TNFAIP8: variants seen among roughly 807,000 people sequenced by gnomAD.
TNFAIP8 encodes tumor necrosis factor alpha-induced protein 8.
Under a neutral mutation model 13.3 loss-of-function variants are expected in TNFAIP8, and 7 were observed. The observed-to-expected ratio is 0.52, with a 90% CI of 0.30 to 0.99. TNFAIP8 has a LOEUF of 0.99. Ranked by LOEUF, TNFAIP8 falls within the 50% of genes least tolerant of loss-of-function variation. TNFAIP8 has a pLI of 0.07. For missense variants in TNFAIP8, 258 were observed against 236.9 expected (o/e 1.09, Z -0.58); for synonymous variants, 94 against 87.6 (o/e 1.07, Z -0.41).
At chr5:119,287,526 G>A (rs530282762) in intron 1 of TNFAIP8, among the ~76,000 whole-genome samples, 2 of 151,942 alleles carry the variant, frequency 1.3e-5, no homozygotes, top group African/African-American at 2.4e-5. Flanking sequence ...AACTATAGTC[G>A]CCGTGCTGTA....
At chr5:119,295,113 G>A (rs575601372) in intron 1 of TNFAIP8, among the ~76,000 whole-genome samples, 1 of 151,760 alleles carries the variant, frequency 6.6e-6, no homozygotes, top group African/African-American at 2.4e-5. Context: ...TGAAGTCCTT[G>A]CCCGTGCCTA....
At chr5:119,338,147 A>T (rs1750614972) in intron 1 of TNFAIP8, among the ~76,000 whole-genome samples, 1 of 146,556 alleles carries the variant, frequency 6.8e-6, no homozygotes, top group South Asian at 2.2e-4. Context: ...CTTATTCCAG[A>T]TTGGAATCTG....
Position 119,398,176 on chromosome 5 carries a change from G to A in TNFAIP8, c.*4795G>A, listed in dbSNP as rs1753118006. 6.6e-6 allele frequency: 1 copy of A among 152,206 alleles called. No homozygotes were observed. The highest frequency in any genetic ancestry group is 2.4e-5 in the African/African-American group (1 of 41,456). The allele number at this position is 152,206 out of a possible 1,614,324, so 9.4% of individuals were successfully genotyped here. On this transcript the variant is annotated 3_prime_UTR_variant, in exon 2 of 2. Coordinates refer to ENST00000504771, the MANE Select transcript of TNFAIP8 (RefSeq NM_014350.4). ...CCCTTATCTTTCTTCATGGATGGCT[G>A]AGGAAATTCTCCGCCTTCCCTGACA...
intron 1 of TNFAIP8, among the ~76,000 whole-genome samples, chr5:119,358,911 T>C (rs1453891825): frequency 1.3e-5 from 2 of 152,104 alleles, no homozygotes; most frequent in Non-Finnish European, 2.9e-5. Flanking sequence ...AGAGTGAGGA[T>C]TGAGTGGTGA....
At chr5:119,273,316 GTGTT>G (rs989712786) in intron 1 of TNFAIP8, among the ~76,000 whole-genome samples, 4 of 152,250 alleles carry the variant, frequency 2.6e-5, no homozygotes, top group African/African-American at 9.6e-5. Flanking sequence ...ATTCCAGTAA[GTGTT>G]AGTACTGAGC....
At chr5:119,371,637 A>C (rs560019123) in intron 1 of TNFAIP8, among the ~76,000 whole-genome samples, 1 of 152,322 alleles carries the variant, frequency 6.6e-6, no homozygotes, top group South Asian at 2.1e-4. Context: ...TTTTTCTCTA[A>C]GCATGTACTT....
upstream of TNFAIP8, among the ~76,000 whole-genome samples, chr5:119,352,570 A>G (rs764187794): frequency 7.9e-5 from 12 of 152,168 alleles, no homozygotes; most frequent in Non-Finnish European, 1.3e-4. Context: ...GATACCTCCT[A>G]ATTAAAAGGT....
chr5:119,331,234 C>CT (rs59808410), intron 1 of TNFAIP8, among the ~76,000 whole-genome samples: 1,938 of 141,306 alleles, frequency 0.014, 15 homozygotes, highest in East Asian at 0.041. Context: ...GAGATATTAG[C>CT]TTTTTTTTTT....
intron 1 of TNFAIP8, among the ~76,000 whole-genome samples, chr5:119,297,649 C>G (rs921110900): frequency 8.5e-5 from 13 of 152,100 alleles, no homozygotes; most frequent in African/African-American, 3.1e-4. Flanking sequence ...GAGTTCAATT[C>G]CTGGGTATCC....
chr5:119,363,401 CAG>C (rs1370901610), intron 1 of TNFAIP8, among the ~76,000 whole-genome samples: 3 of 152,214 alleles, frequency 2.0e-5, no homozygotes, highest in African/African-American at 4.8e-5. Flanking sequence ...GCAAGTGCCC[CAG>C]CCTCCTGAGA....
At chr5:119,384,022 A>G (rs995845508) in intron 1 of TNFAIP8, among the ~76,000 whole-genome samples, 3 of 152,188 alleles carry the variant, frequency 2.0e-5, no homozygotes, top group African/African-American at 7.2e-5. Context: ...TCTTAAGCTC[A>G]TGTATTATAG....
chr5:119,283,812 G>A (rs1212999099), intron 1 of TNFAIP8, among the ~76,000 whole-genome samples: 3 of 152,164 alleles, frequency 2.0e-5, no homozygotes, highest in African/African-American at 7.2e-5. Flanking sequence ...AGCAGTACTG[G>A]AAATGACTCT....
At chr5:119,318,175 T>C (rs1451079995) in intron 1 of TNFAIP8, among the ~76,000 whole-genome samples, 2 of 152,226 alleles carry the variant, frequency 1.3e-5, no homozygotes, top group African/African-American at 2.4e-5. Context: ...TCTGAATTCA[T>C]TGATCTTTTG....
intron 1 of TNFAIP8, among the ~76,000 whole-genome samples, chr5:119,382,717 C>T (rs1036719488): frequency 6.6e-6 from 1 of 152,172 alleles, no homozygotes. Context: ...TAATTTGCTC[C>T]AGGCACATGA....
chr5:119,349,183 A>C (rs1751028964), intron 1 of TNFAIP8, among the ~76,000 whole-genome samples: 1 of 152,160 alleles, frequency 6.6e-6, no homozygotes, highest in Non-Finnish European at 1.5e-5. Flanking sequence ...TAGACCACAC[A>C]CATTAAATTG....
At chr5:119,316,010 A>G (rs1426392553) in intron 1 of TNFAIP8, among the ~76,000 whole-genome samples, 1 of 152,174 alleles carries the variant, frequency 6.6e-6, no homozygotes, top group Non-Finnish European at 1.5e-5. Flanking sequence ...CCTACCTGTG[A>G]GGCTTATTTT....
chr5:119,307,348 A>G (rs1234663833), intron 1 of TNFAIP8, among the ~76,000 whole-genome samples: 1 of 152,236 alleles, frequency 6.6e-6, no homozygotes, highest in Non-Finnish European at 1.5e-5. Flanking sequence ...ATTACATACA[A>G]GCAATTATAT....
At chr5:119,312,682 T>C (rs1749768375) in intron 1 of TNFAIP8, among the ~76,000 whole-genome samples, 2 of 148,892 alleles carry the variant, frequency 1.3e-5, no homozygotes, top group African/African-American at 2.5e-5. Flanking sequence ...GGTGGATCCC[T>C]TGAGCTCAGG....
intron 1 of TNFAIP8, among the ~76,000 whole-genome samples, chr5:119,282,486 T>A (rs2150805430): frequency 6.6e-6 from 1 of 152,362 alleles, no homozygotes; most frequent in South Asian, 2.1e-4. Context: ...CCATTGGTTC[T>A]GGGTTGTCCC....
Sources: gnomAD v4.1 joint callset for allele counts (sites outside exome capture counted in the v4.1 genomes callset) on GRCh38, gnomAD v4.1.1 for gene constraint, MANE v1.5 for transcripts, NCBI Gene and HGNC (gene_info 2026-07-23, HGNC 2026-07-21) for gene names.